The following HIVEP1 variants were observed in gnomAD, a reference collection of about 807,000 sequenced individuals.
HIVEP1 encodes zinc finger protein 40.
In HIVEP1, 36 loss-of-function variants were observed where a neutral mutation model predicts 180.0. The ratio of observed to expected loss-of-function variants is 0.20; its 90% CI spans 0.15 to 0.26. The LOEUF (loss-of-function observed/expected upper bound fraction) is 0.26. HIVEP1 is among the 10% of genes least tolerant of loss of function. The probability of loss-of-function intolerance (pLI) is 1.00; values close to 1 mark genes in which losing one functional copy is unlikely to be tolerated. For missense variants in HIVEP1, 3,143 were observed against 3,268.7 expected, an observed-to-expected ratio of 0.96 and a Z score of 0.94; for synonymous variants, 1,239 against 1,239.0, an observed-to-expected ratio of 1.00 and a Z score of 0.00.
chr6:12,026,815 A>G (rs1227110914), intron 2 of HIVEP1, among the ~76,000 whole-genome samples: 4 of 152,234 alleles, frequency 2.6e-5, no homozygotes, highest in South Asian at 2.1e-4. Context: ...GAAGATCATC[A>G]TGTGTATGAA....
intron 2 of HIVEP1, among the ~76,000 whole-genome samples, 182 bp from the exon 3 acceptor site, chr6:12,089,002 A>T (rs1166579687): frequency 6.6e-6 from 1 of 152,174 alleles, no homozygotes; most frequent in Admixed American, 6.6e-5. Context: ...CTAAGAAATG[A>T]TTAAAATTAT....
the HIVEP1 span, among the ~76,000 whole-genome samples, chr6:12,204,326 C>T: frequency 3.0e-5 from 1 of 33,330 alleles, no homozygotes; most frequent in Admixed American, 3.4e-4. Flanking sequence ...CACCACGGCA[C>T]CCTGCACAGC....
At chr6:12,160,018 G>A (rs987864863) in intron 7 of HIVEP1, among the ~76,000 whole-genome samples, 1 of 152,154 alleles carries the variant, frequency 6.6e-6, no homozygotes, top group Non-Finnish European at 1.5e-5. Context: ...CCTATTGCTT[G>A]TTGCTCTGTT....
chr6:12,058,938 A>G (rs2113745310), intron 2 of HIVEP1, among the ~76,000 whole-genome samples: 1 of 151,614 alleles, frequency 6.6e-6, no homozygotes, highest in African/African-American at 2.4e-5. Flanking sequence ...ATAGACATTC[A>G]TGCTTACTTT....
chr6:12,149,608 T>C (rs539827901), intron 7 of HIVEP1, among the ~76,000 whole-genome samples: 6 of 152,386 alleles, frequency 3.9e-5, no homozygotes, highest in African/African-American at 1.2e-4. Context: ...CCAGGTCTTA[T>C]GCTGTGTTTG....
chr6:12,012,804 A>C (rs1480901153), intron 1 of HIVEP1: 6 of 152,878 alleles, frequency 3.9e-5, no homozygotes, highest in Non-Finnish European at 8.7e-5. Context: ...AGAGGGACCC[A>C]GCCTCCCCAG....
chr6:12,121,640 G>A lies in HIVEP1; in HGVS notation c.1845G>A (p.Arg615=). The A allele has an allele frequency of 6.2e-7, 1 of 1,614,120 alleles. No homozygotes were observed. Among genetic ancestry groups the A allele is most frequent in the South Asian group, 1.1e-5 (1 of 91,080 alleles). Residue 615 remains arginine, a synonymous_variant, in exon 4 of 9, where the codon AGG becomes AGA. Coordinates refer to ENST00000379388, the MANE Select transcript of HIVEP1 (RefSeq NM_002114.4). This position sits in a 1 kb window ranked among gnomAD's most constrained non-coding sequence, Gnocchi z 5.3. Reference sequence around the variant, plus strand: ...ACATGTCCCAGGGTGGAGTCTCCAGGTTGGAGACTAATGAGAATTCCCACC... The same window carrying A: ...ACATGTCCCAGGGTGGAGTCTCCAGATTGGAGACTAATGAGAATTCCCACC... ...SANMSQGGVS[R]LETNENSHQK...
At chr6:12,179,099 A>G in the HIVEP1 span, among the ~76,000 whole-genome samples, 1 of 152,218 alleles carries the variant, frequency 6.6e-6, no homozygotes, top group African/African-American at 2.4e-5. Context: ...GCATGGAATG[A>G]TACATGTAGC....
rs1251877783 is a variant in HIVEP1, at chr6:12,123,369, C to A, written c.3574C>A (p.His1192Asn). The change falls in exon 4 of 9, where the codon CAT becomes AAT. Residue 1192 changes from histidine (H) to asparagine (N), a missense_variant. His to Asn is a moderately conservative substitution (Grantham distance 68). Transcript: ENST00000379388. ...AAGTCACCCTTCTCGGGACGGGTCT[C>A]ATCCTCACCAGCTTGCACTATCAGA... is the stretch of plus-strand genomic sequence containing the variant. ...EESHPSRDGS[H>N]PHQLALSDAL... is the part of the protein sequence containing the mutation. 3.7e-6 allele frequency: 6 copies of A among 1,614,062 alleles called. No homozygotes were observed. Among genetic ancestry groups the A allele is most frequent in the Non-Finnish European group, 4.2e-6 (5 of 1,180,030 alleles).
Position 12,115,350 on chromosome 6 carries a change from CTTTTTTT to C in HIVEP1, c.95-4519_95-4513del, listed in dbSNP as rs34074662. Among the ~76,000 whole-genome samples, 181 of 75,294 alleles carry C rather than the reference CTTTTTTT, an allele frequency of 2.4e-3. 1 individual carries two copies. The highest frequency in any genetic ancestry group is 8.3e-3 in the African/African-American group (154 of 18,520). The allele number at this position is 75,294 out of a possible 152,430, so 49.4% of individuals were successfully genotyped here. ...CTTAACTTATACTTCCCCAACTATT[CTTTTTTT>C]TTTTTTTTTTTTTTTTTTTTAACAA... On this transcript the variant is annotated intron_variant, in intron 3 of 8. Coordinates refer to ENST00000379388, the MANE Select transcript of HIVEP1 (RefSeq NM_002114.4).
rs372934680 is a variant in HIVEP1, at chr6:12,046,845, C to CTGTGTGTGTGTGTGTGTGTGTGTG, written c.40+31185_40+31208dup. 5.9e-3 allele frequency among the ~76,000 whole-genome samples: 831 copies of CTGTGTGTGTGTGTGTGTGTGTGTG among 141,042 alleles called. 8 individuals are homozygous for CTGTGTGTGTGTGTGTGTGTGTGTG. The highest frequency in any genetic ancestry group is 7.7e-3 in the Non-Finnish European group (504 of 65,522). The allele number at this position is 141,042 out of a possible 152,430, so 92.5% of individuals were successfully genotyped here. On this transcript the variant is annotated intron_variant, in intron 2 of 8. Coordinates refer to ENST00000379388, the MANE Select transcript of HIVEP1 (RefSeq NM_002114.4). ...TACACTTCTTCTTACTGCCACTACA[C>CTGTGTGTGTGTGTGTGTGTGTGTG]TGTGTGTGTGTGTGTGTGTGTGTGT...
the HIVEP1 span, among the ~76,000 whole-genome samples, chr6:12,188,810 A>G: frequency 6.6e-6 from 1 of 152,030 alleles, no homozygotes; most frequent in South Asian, 2.1e-4. Flanking sequence ...CAATAAAAAT[A>G]CCAGAGAAAA....
intron 7 of HIVEP1, 116 bp downstream of exon 7, chr6:12,136,008 T>G (rs906042916): frequency 1.0e-5 from 6 of 582,250 alleles, no homozygotes; most frequent in African/African-American, 9.5e-5. Context: ...TACCTCTTAT[T>G]TATATGCAGT....
At chr6:12,153,014 T>C (rs1432691760) in intron 7 of HIVEP1, among the ~76,000 whole-genome samples, 1 of 152,246 alleles carries the variant, frequency 6.6e-6, no homozygotes, top group African/African-American at 2.4e-5. Context: ...ATCAGCATGC[T>C]TCTTGAAATG....
At chr6:12,024,393 A>AC (rs1220648851) in intron 2 of HIVEP1, among the ~76,000 whole-genome samples, 1 of 152,182 alleles carries the variant, frequency 6.6e-6, no homozygotes, top group Non-Finnish European at 1.5e-5. Context: ...TGATAACAAA[A>AC]CGGTTGGCTG....
the HIVEP1 span, among the ~76,000 whole-genome samples, chr6:12,190,608 C>A: frequency 6.6e-6 from 1 of 152,174 alleles, no homozygotes; most frequent in Non-Finnish European, 1.5e-5. Context: ...GAGAGACCCT[C>A]CTTAGGCATC....
chr6:12,162,296 G>A (rs917974642), intron 8 of HIVEP1, among the ~76,000 whole-genome samples: 107 of 151,142 alleles, frequency 7.1e-4, no homozygotes, highest in African/African-American at 2.5e-3. Context: ...CTTCTGAGCA[G>A]TTTCTCCACT....
At chr6:12,183,496 T>A in the HIVEP1 span, among the ~76,000 whole-genome samples, 1 of 152,218 alleles carries the variant, frequency 6.6e-6, no homozygotes, top group African/African-American at 2.4e-5. Context: ...ATCTTTCAGA[T>A]AAAAGCCCTT....
intron 2 of HIVEP1, among the ~76,000 whole-genome samples, chr6:12,057,766 G>A (rs1374220229): frequency 1.3e-5 from 2 of 152,144 alleles, no homozygotes; most frequent in Non-Finnish European, 2.9e-5. Context: ...TTTCTAAATA[G>A]ATTAGAATGA....
Sources: gnomAD v4.1 joint callset for allele counts (sites outside exome capture counted in the v4.1 genomes callset) on GRCh38, gnomAD v4.1.1 for gene constraint, Gnocchi (gnomAD v3.1) non-coding constraint, MANE v1.5 for transcripts, NCBI Gene and HGNC (gene_info 2026-07-23, HGNC 2026-07-21) for gene names.